The following DRD3 variants were observed in gnomAD, a reference collection of about 807,000 sequenced individuals.
DRD3 encodes the protein dopamine receptor D3, also known as D(3) dopamine receptor.
DRD3 carries 19 observed loss-of-function variants against 36.3 expected under a neutral mutation model. That is an observed-to-expected ratio of 0.52 (90% CI 0.36 to 0.77). DRD3 has a LOEUF of 0.77. Among genes scored for constraint, DRD3 ranks in the 30% least tolerant of loss-of-function variants. The pLI is 0.00. For missense variants in DRD3, 465 were observed against 505.3 expected, an observed-to-expected ratio of 0.92 and a Z score of 0.77; for synonymous variants, 195 against 203.7, an observed-to-expected ratio of 0.96 and a Z score of 0.36.
intron 5 of DRD3, among the ~76,000 whole-genome samples, chr3:114,133,855 C>T (rs1211381888): frequency 2.0e-5 from 3 of 152,142 alleles, no homozygotes; most frequent in African/African-American, 7.2e-5. Context: ...ACCTCCATTC[C>T]CATGCAGCTA....
chr3:114,193,349 T>C (rs952567052), intron 1 of DRD3, among the ~76,000 whole-genome samples: 1 of 152,196 alleles, frequency 6.6e-6, no homozygotes, highest in African/African-American at 2.4e-5. Flanking sequence ...TGAAAAATAC[T>C]GTGCTAGATT....
intron 2 of DRD3, among the ~76,000 whole-genome samples, chr3:114,168,230 G>C (rs78158297): frequency 9.9e-5 from 15 of 152,186 alleles, no homozygotes; most frequent in East Asian, 3.9e-4. Flanking sequence ...ATCAGCTCAG[G>C]GTGGAAAATG....
chr3:114,156,799 C>CTTTCTTTCTTTCTTTCTTTCTTT (rs1240025299), intron 3 of DRD3, among the ~76,000 whole-genome samples: 1 of 91,566 alleles, frequency 1.1e-5, no homozygotes. Context: ...TTCTTTCTTT[C>CTTTCTTTCTTTCTTTCTTTCTTT]TCTTTTCTTT....
intron 2 of DRD3, among the ~76,000 whole-genome samples, chr3:114,160,677 CA>C (rs2077724536): frequency 6.6e-6 from 1 of 152,150 alleles, no homozygotes; most frequent in Non-Finnish European, 1.5e-5. Flanking sequence ...AATTTACCTC[CA>C]AAGTAAAAAT....
In DRD3 at chr3:114,171,534, G is replaced by A. The variant is rs1046807891; in HGVS notation, c.270+189C>T. ...TCATTCTCAGCTCCTTGGTTCTGAT[G>A]TGGATGAGGGACAGGATGGTGACTG... On this transcript the variant is annotated intron_variant, in intron 2 of 6. Coordinates refer to ENST00000383673, the MANE Select transcript of DRD3 (RefSeq NM_000796.6). 1.6e-4 allele frequency among the ~76,000 whole-genome samples: 25 copies of A among 152,308 alleles called. 1 individual carries two copies. The highest frequency in any genetic ancestry group is 5.1e-4 in the African/African-American group (21 of 41,560).
rs770013589 is a variant in DRD3 at position 114,148,200 on chromosome 3, G to A, written c.384-643C>T. On this transcript the variant is annotated intron_variant, in intron 3 of 6. Coordinates refer to ENST00000383673, the MANE Select transcript of DRD3 (RefSeq NM_000796.6). Reference sequence around the variant, plus strand: ...TTCTACCTGATCACCCAGCATAACCGGCCTTACTGTCACACACCCTTCACT... The same window carrying A: ...TTCTACCTGATCACCCAGCATAACCAGCCTTACTGTCACACACCCTTCACT... 4.3e-4 allele frequency among the ~76,000 whole-genome samples: 66 copies of A among 152,172 alleles called. 1 individual carries two copies. The highest frequency in any genetic ancestry group is 6.8e-3 in the Middle Eastern group (2 of 294).
At chr3:114,180,118 A>T (rs2107896836), upstream of DRD3, among the ~76,000 whole-genome samples, 1 of 152,266 alleles carries the variant, frequency 6.6e-6, no homozygotes, top group South Asian at 2.1e-4. Flanking sequence ...AAAAGAAGAA[A>T]ATTTAAACTT....
chr3:114,183,744 G>T (rs898452738), upstream of DRD3, among the ~76,000 whole-genome samples: 2 of 151,654 alleles, frequency 1.3e-5, no homozygotes, highest in East Asian at 1.9e-4. Context: ...AGCCATTCCT[G>T]CTCTCTTTTG....
At chr3:114,172,723 T>C (rs542736267) in intron 1 of DRD3, among the ~76,000 whole-genome samples, 29 of 152,302 alleles carry the variant, frequency 1.9e-4, no homozygotes, top group African/African-American at 6.7e-4. Flanking sequence ...ATTCTTCCCA[T>C]GTAAAATGTG....
At chr3:114,191,708 G>A (rs2078011669) in intron 1 of DRD3, among the ~76,000 whole-genome samples, 1 of 152,180 alleles carries the variant, frequency 6.6e-6, no homozygotes, top group Non-Finnish European at 1.5e-5. Context: ...TAGTACTAGA[G>A]ATGGGGAAGA....
chr3:114,140,599 T>C (rs928559199), intron 4 of DRD3, among the ~76,000 whole-genome samples: 4 of 152,248 alleles, frequency 2.6e-5, no homozygotes, highest in African/African-American at 9.6e-5. Context: ...ATTATTACTG[T>C]CTCTCTTTTC....
At chr3:114,179,269 T>C (rs2077932156), upstream of DRD3, among the ~76,000 whole-genome samples, 2 of 152,098 alleles carry the variant, frequency 1.3e-5, no homozygotes, top group Admixed American at 6.6e-5. Context: ...TTAATGGAAA[T>C]CAGTACAATT....
intron 3 of DRD3, among the ~76,000 whole-genome samples, chr3:114,157,814 A>AG (rs1227865397): frequency 6.6e-6 from 1 of 151,992 alleles, no homozygotes; most frequent in Non-Finnish European, 1.5e-5. Context: ...TTTAAAAAAG[A>AG]GGGGTAGGCC....
intron 2 of DRD3, among the ~76,000 whole-genome samples, chr3:114,165,289 T>C (rs2971209): frequency 0.58 from 87,227 of 151,514 alleles, 27,949 homozygotes; most frequent in Non-Finnish European, 0.72. Context: ...ATCATCAGTG[T>C]GCAGGAAGGA....
intron 1 of DRD3, among the ~76,000 whole-genome samples, chr3:114,184,360 A>G (rs2077963603): frequency 6.6e-6 from 1 of 152,224 alleles, no homozygotes. Context: ...CTCTTAAATT[A>G]TATAAAAAAC....
intron 2 of DRD3, among the ~76,000 whole-genome samples, chr3:114,163,684 A>G (rs909653440): frequency 1.3e-5 from 2 of 152,176 alleles, no homozygotes; most frequent in Non-Finnish European, 2.9e-5. Flanking sequence ...ATGAGTGCCC[A>G]AGATATGTCT....
chr3:114,193,723 G>A (rs2107906868), intron 1 of DRD3, among the ~76,000 whole-genome samples: 1 of 152,092 alleles, frequency 6.6e-6, no homozygotes, highest in Non-Finnish European at 1.5e-5. Flanking sequence ...TTTAATAATG[G>A]GACTTAGATT....
At position 114,131,270 on chromosome 3, in the gene DRD3, G is replaced by A. The variant is rs374601195; in HGVS notation, c.854C>T (p.Ser285Phe). ...CTTGGGCGCTATGGTGGGACTCAGG[G>A]AATTCCGAGTCTTCTCCTCTCTTTT... ...ELKREEKTRNSLSPTIAPKLS... is the reference protein window; with the variant it reads ...ELKREEKTRNFLSPTIAPKLS... Residue 285 changes from serine to phenylalanine, a missense_variant, in exon 6 of 7, where the codon TCC (serine) becomes TTC (phenylalanine). Physicochemically the swap from Ser to Phe is radical, Grantham distance 155 (BLOSUM62 -2). Coordinates refer to ENST00000383673, the MANE Select transcript of DRD3 (RefSeq NM_000796.6). 2 of 1,614,184 alleles carry A rather than the reference G, an allele frequency of 1.2e-6. No individual in the cohort carries two copies. The highest frequency in any genetic ancestry group is 1.7e-6 in the Non-Finnish European group (2 of 1,180,038).
rs902552731 is a variant in DRD3, at chr3:114,188,714, C to A, written c.-155-9938G>T. 2.0e-5 allele frequency among the ~76,000 whole-genome samples: 3 copies of A among 152,184 alleles called. No individual in the cohort carries two copies. In the East Asian group the frequency reaches 5.8e-4, roughly 29 times the overall value. On this transcript the variant is annotated intron_variant, in intron 1 of 7. Transcript: ENST00000460779. ...CTTTACGTTTCATTTGCCAGATTTA[C>A]ATCACATGTCCATACTTGAATCAAT...
Sources: allele counts gnomAD v4.1 joint callset (sites outside exome capture counted in the v4.1 genomes callset), GRCh38; gene constraint gnomAD v4.1.1; transcripts MANE v1.5; gene names NCBI Gene and HGNC (gene_info 2026-07-23, HGNC 2026-07-21).